RFX3: variants seen among roughly 807,000 people sequenced by gnomAD.
RFX3 encodes transcription factor RFX3.
RFX3 carries 14 observed loss-of-function variants against 98.6 expected under a neutral mutation model. The observed-to-expected ratio is 0.14, with a 90% CI of 0.09 to 0.22. The LOEUF is 0.22. Ranked by LOEUF, RFX3 falls within the 10% of genes least tolerant of loss-of-function variation. The probability of loss-of-function intolerance (pLI) is 1.00; values close to 1 mark genes in which losing one functional copy is unlikely to be tolerated. For missense variants in RFX3, 639 were observed against 926.9 expected, an observed-to-expected ratio of 0.69 and a Z score of 4.03; for synonymous variants, 383 against 328.4, an observed-to-expected ratio of 1.17 and a Z score of -1.80.
At chr9:3,508,972 CA>C (rs1272181637) in intron 1 of RFX3, among the ~76,000 whole-genome samples, 3 of 151,870 alleles carry the variant, frequency 2.0e-5, no homozygotes, top group Non-Finnish European at 4.4e-5. Context: ...CACACACACA[CA>C]CACAGAAAGA....
intron 4 of RFX3, among the ~76,000 whole-genome samples, chr9:3,324,487 A>T (rs117574501): frequency 0.021 from 3,168 of 152,076 alleles, 60 homozygotes; most frequent in Non-Finnish European, 0.033. Context: ...TCCCTTAAAT[A>T]TAAGGGAGTT....
At chr9:3,516,726 C>T (rs1027240397) in intron 1 of RFX3, among the ~76,000 whole-genome samples, 1 of 135,232 alleles carries the variant, frequency 7.4e-6, no homozygotes, top group Non-Finnish European at 1.5e-5. Context: ...CGCTTTCGCA[C>T]TCTCTCTCTC....
chr9:3,366,420 G>A (rs1186770424), intron 2 of RFX3, among the ~76,000 whole-genome samples: 1 of 152,094 alleles, frequency 6.6e-6, no homozygotes, highest in South Asian at 2.1e-4. Context: ...TGGTTTTAGA[G>A]TACTCCATAG....
intron 1 of RFX3, among the ~76,000 whole-genome samples, chr9:3,475,983 C>T (rs1849212983): frequency 6.6e-6 from 1 of 152,212 alleles, no homozygotes; most frequent in Non-Finnish European, 1.5e-5. Flanking sequence ...GACCAAGGAG[C>T]TCTCTGGTGG....
intron 1 of RFX3, among the ~76,000 whole-genome samples, chr9:3,447,231 G>GA (rs200614856): frequency 6.6e-6 from 1 of 150,400 alleles, no homozygotes; most frequent in African/African-American, 2.4e-5. Context: ...AAACACACAA[G>GA]AAAAAAAAAC....
chr9:3,450,979 A>G (rs1463477053), intron 1 of RFX3, among the ~76,000 whole-genome samples: 1 of 152,212 alleles, frequency 6.6e-6, no homozygotes, highest in Non-Finnish European at 1.5e-5. Context: ...CTATTTTCCA[A>G]TAAAAAGAAT....
intron 1 of RFX3, among the ~76,000 whole-genome samples, chr9:3,406,296 G>A (rs918458862): frequency 6.6e-6 from 1 of 151,492 alleles, no homozygotes; most frequent in Non-Finnish European, 1.5e-5. Flanking sequence ...AGTTTCTTCT[G>A]CTTGAAACAA....
chr9:3,492,618 G>C (rs1850807884), intron 1 of RFX3, among the ~76,000 whole-genome samples: 1 of 152,188 alleles, frequency 6.6e-6, no homozygotes, highest in African/African-American at 2.4e-5. Context: ...GCTTGCAAGG[G>C]GTGGGGCAAC....
intron 2 of RFX3, among the ~76,000 whole-genome samples, chr9:3,371,786 T>C (rs866099734): frequency 2.0e-5 from 3 of 152,272 alleles, no homozygotes; most frequent in Non-Finnish European, 2.9e-5. Context: ...TTTATTCAAA[T>C]AGAGGAAGGA....
At position 3,224,275 on chromosome 9, in the gene RFX3, T is replaced by C. The variant is rs1817535857; in HGVS notation, c.*767A>G. 1 of 152,164 alleles carries C rather than the reference T, an allele frequency of 6.6e-6. No homozygotes were observed. Among genetic ancestry groups the C allele is most frequent in the African/African-American group, 2.4e-5 (1 of 41,456 alleles). The allele number at this position is 152,164 out of a possible 1,614,324, so 9.4% of individuals were successfully genotyped here. ...GCAGTGGTCCCAAATACAGAATCAG[T>C]AGTCTTTAAACAGAGGAATTGGTAT... On this transcript the variant is annotated 3_prime_UTR_variant, in exon 17 of 17. Transcript: ENST00000617270.
intron 1 of RFX3, among the ~76,000 whole-genome samples, chr9:3,478,992 G>C (rs560958443): frequency 9.8e-5 from 15 of 152,308 alleles, no homozygotes; most frequent in Admixed American, 7.2e-4. Flanking sequence ...GGAGCTGCAA[G>C]TTGGGACAAA....
At chr9:3,320,224 C>T (rs1831102880) in intron 4 of RFX3, among the ~76,000 whole-genome samples, 1 of 151,980 alleles carries the variant, frequency 6.6e-6, no homozygotes, top group Admixed American at 6.6e-5. Flanking sequence ...CACATGCCTC[C>T]CACCTTTTAT....
chr9:3,223,089 C>G lies in RFX3; in HGVS notation c.*1953G>C. ...CCCCCCACCCCCCTTACCCCAATACCACTGGAAAGATAAACATCTTGGGTT... is the reference window on the plus strand; with the variant it reads ...CCCCCCACCCCCCTTACCCCAATACGACTGGAAAGATAAACATCTTGGGTT... On this transcript the variant is annotated 3_prime_UTR_variant, in exon 17 of 17. Transcript: ENST00000617270. The G allele has an allele frequency of 6.6e-6, 1 of 151,928 alleles. No individual in the cohort carries two copies. Among genetic ancestry groups the G allele is most frequent in the East Asian group, 1.9e-4 (1 of 5,178 alleles). The allele number at this position is 151,928 out of a possible 1,614,324, so 9.4% of individuals were successfully genotyped here. A position where few individuals can be genotyped will look rare whatever the true frequency, so the allele number is the denominator to read the frequency against.
At chr9:3,412,756 C>T (rs1016792860) in intron 1 of RFX3, among the ~76,000 whole-genome samples, 1 of 152,074 alleles carries the variant, frequency 6.6e-6, no homozygotes, top group Non-Finnish European at 1.5e-5. Context: ...AAACTTATAA[C>T]TAGCTTTGAA....
At chr9:3,332,747 C>A (rs779909687) in intron 3 of RFX3, among the ~76,000 whole-genome samples, 6 of 152,156 alleles carry the variant, frequency 3.9e-5, no homozygotes, top group Non-Finnish European at 8.8e-5. Context: ...CAAATGCTCT[C>A]TTCACTCACA....
intron 1 of RFX3, among the ~76,000 whole-genome samples, chr9:3,431,878 T>C (rs1175272565): frequency 6.6e-6 from 1 of 152,190 alleles, no homozygotes; most frequent in Non-Finnish European, 1.5e-5. Context: ...GAAAGTGCTC[T>C]ATTCTGGGGA....
chr9:3,274,798 G>T (rs1201124029), intron 9 of RFX3, among the ~76,000 whole-genome samples: 3 of 151,624 alleles, frequency 2.0e-5, no homozygotes, highest in Non-Finnish European at 4.4e-5. Flanking sequence ...CTTCACAAAG[G>T]CAACCACTGT....
Position 3,224,993 on chromosome 9 carries a change from C to T in RFX3, c.*49G>A, listed in dbSNP as rs1817603898. ...GCTTATTAAATTTTCAACTTAAGCCCAATATCAACAGGGTTAATGTAAGCT... is the reference window on the plus strand; with the variant it reads ...GCTTATTAAATTTTCAACTTAAGCCTAATATCAACAGGGTTAATGTAAGCT... On this transcript the variant is annotated 3_prime_UTR_variant, in exon 17 of 17. Transcript: ENST00000617270. 1.9e-6 allele frequency: 3 copies of T among 1,558,480 alleles called. No homozygotes were observed. The highest frequency in any genetic ancestry group is 2.6e-6 in the Non-Finnish European group (3 of 1,135,096).
intron 14 of RFX3, among the ~76,000 whole-genome samples, chr9:3,253,088 T>A (rs1270425023): frequency 1.3e-5 from 2 of 152,348 alleles, no homozygotes; most frequent in Middle Eastern, 3.4e-3. Context: ...ATTCAACTCT[T>A]TTTAAGATCA....
Sources: gnomAD v4.1 joint callset for allele counts (sites outside exome capture counted in the v4.1 genomes callset) on GRCh38, gnomAD v4.1.1 for gene constraint, MANE v1.5 for transcripts, NCBI Gene and HGNC (gene_info 2026-07-23, HGNC 2026-07-21) for gene names.